The following HDC variants were observed in gnomAD, a reference collection of about 807,000 sequenced individuals.
The protein encoded by HDC is histidine decarboxylase.
Under a neutral mutation model 64.4 loss-of-function variants are expected in HDC, and 27 were observed. That is an observed-to-expected ratio of 0.42 (90% CI 0.31 to 0.58). The LOEUF (loss-of-function observed/expected upper bound fraction) is 0.58, where lower values mean the gene tolerates loss of function less well. Ranked by LOEUF, HDC falls within the 20% of genes least tolerant of loss-of-function variation. HDC has a pLI of 0.16. For missense variants in HDC, 711 were observed against 833.9 expected, an observed-to-expected ratio of 0.85 and a Z score of 1.81; for synonymous variants, 305 against 314.2, an observed-to-expected ratio of 0.97 and a Z score of 0.31.
Position 50,257,457 on chromosome 15 carries a change from G to A in HDC, c.409C>T (p.His137Tyr). 1 of 1,614,232 alleles carries A rather than the reference G, an allele frequency of 6.2e-7. No homozygotes were observed. Among genetic ancestry groups the A allele is most frequent in the East Asian group, 2.2e-5 (1 of 44,882 alleles). Reference protein sequence around the residue: ...LGLPEHFLHHHPSSQGGGVLQ... With the variant: ...LGLPEHFLHHYPSSQGGGVLQ... ...ACGCCTCCGCCCTGGCTGCTGGGGT[G>A]GTGGTGCAAGAAGTGCTCTGGAAGT... The change falls in exon 4 of 12, where the codon CAC (histidine) becomes TAC (tyrosine). Residue 137 changes from histidine to tyrosine, a missense_variant. His to Tyr is a moderately conservative substitution (Grantham distance 83). Coordinates refer to ENST00000267845, the MANE Select transcript of HDC (RefSeq NM_002112.4).
chr15:50,252,602 C>T lies in HDC; in HGVS notation c.950+10G>A. The T allele has an allele frequency of 6.2e-7, 1 of 1,614,172 alleles. No individual in the cohort carries two copies. Among genetic ancestry groups the T allele is most frequent in the South Asian group, 1.1e-5 (1 of 91,082 alleles). ...TTCCTGCGTGCTCGGAGCTGGGCTGCTACACTCACCAGAACCCAGTACAGT... is the reference window on the plus strand; with the variant it reads ...TTCCTGCGTGCTCGGAGCTGGGCTGTTACACTCACCAGAACCCAGTACAGT... On this transcript the variant is annotated intron_variant, in intron 8 of 11. Coordinates refer to ENST00000267845, the MANE Select transcript of HDC (RefSeq NM_002112.4).
chr15:50,253,545 G>A, intron 7 of HDC, 55 bp downstream of exon 7: 1 of 1,466,344 alleles, frequency 6.8e-7, no homozygotes, highest in Non-Finnish European at 9.6e-7. Flanking sequence ...CTTGCTTTAG[G>A]AGACATTTAA....
chr15:50,251,224 A>G (rs754544931), intron 9 of HDC, among the ~76,000 whole-genome samples: 6 of 152,234 alleles, frequency 3.9e-5, no homozygotes, highest in Non-Finnish European at 5.9e-5. Context: ...GGACTCCAAC[A>G]CATGCCATCT....
intron 2 of HDC, among the ~76,000 whole-genome samples, chr15:50,260,153 C>G (rs183274181): frequency 6.6e-6 from 1 of 151,996 alleles, no homozygotes; most frequent in African/African-American, 2.4e-5. Context: ...TCCCAAGTAG[C>G]TGGGATTACA....
intron 10 of HDC, among the ~76,000 whole-genome samples, chr15:50,246,157 T>C (rs2140926085): frequency 6.6e-6 from 1 of 152,324 alleles, no homozygotes; most frequent in East Asian, 1.9e-4. Flanking sequence ...GGGCAATTAC[T>C]CCCTCTGAGC....
Position 50,252,460 on chromosome 15 carries a change from A to T in HDC, c.1011T>A (p.His337Gln). 6.2e-7 allele frequency: 1 copy of T among 1,614,186 alleles called. No individual in the cohort carries two copies. Among genetic ancestry groups the T allele is most frequent in the Non-Finnish European group, 8.5e-7 (1 of 1,180,040 alleles). Residue 337 changes from histidine (H) to glutamine (Q), a missense_variant, in exon 9 of 12, where the codon CAT (histidine) becomes CAA (glutamine). Physicochemically the swap from His to Gln is conservative, Grantham distance 24. Coordinates refer to ENST00000267845, the MANE Select transcript of HDC (RefSeq NM_002112.4). ...AGTCGGTGGCCACGCCTGAGTTGGC[A>T]TGCCTGAGGTAGATGGGATTCACAC... ...TFSVNPIYLR[H>Q]ANSGVATDFM...
At position 50,242,956 on chromosome 15, in the gene HDC, G is replaced by A; in HGVS notation, c.1293C>T (p.Gly431=). 1 of 1,613,932 alleles carries A rather than the reference G, an allele frequency of 6.2e-7. No homozygotes were observed. The highest frequency in any genetic ancestry group is 8.5e-7 in the Non-Finnish European group (1 of 1,179,884). ...ENVLKEIAKA[G]RLFLIPATIQ... ...TAGTGGCCGGGATGAGGAAGAGACGGCCAGCTTTAGCTATTTCCTTTAACA... is the reference window on the plus strand; with the variant it reads ...TAGTGGCCGGGATGAGGAAGAGACGACCAGCTTTAGCTATTTCCTTTAACA... The change falls in exon 12 of 12, where the codon GGC becomes GGT. Residue 431 remains glycine, a synonymous_variant. Transcript: ENST00000267845.
In HDC at chr15:50,263,239, G is replaced by A. The variant is rs1244886074; in HGVS notation, c.200C>T (p.Pro67Leu). The change falls in exon 2 of 12, where the codon CCT (proline) becomes CTT (leucine). Residue 67 changes from proline to leucine, a missense_variant. Transcript: ENST00000267845. Reference protein sequence around the residue: ...IFGDIERIIMPGVVHWQSPHM... With the variant: ...IFGDIERIIMLGVVHWQSPHM... ...CTTGTGGTCACTGTGTCTCACCCCA[G>A]GCATGATGATTCGTTCAATGTCCCC... 1.2e-6 allele frequency: 2 copies of A among 1,613,948 alleles called. No individual in the cohort carries two copies. The highest frequency in any genetic ancestry group is 2.7e-5 in the African/African-American group (2 of 74,912).
chr15:50,263,202 T>A, intron 2 of HDC, 33 bp downstream of exon 2: 1 of 1,611,822 alleles, frequency 6.2e-7, no homozygotes, highest in Non-Finnish European at 8.5e-7. Context: ...TGCCCTGAAA[T>A]CCAGAACTGC....
At chr15:50,244,298 T>G (rs868637133) in intron 10 of HDC, among the ~76,000 whole-genome samples, 5,630 of 139,558 alleles carry the variant, frequency 0.04, 366 homozygotes, top group African/African-American at 0.15. Context: ...TTTTTTTTTT[T>G]TTTTTTTTTT....
chr15:50,244,155 C>T (rs7164386), intron 10 of HDC, among the ~76,000 whole-genome samples: 6,989 of 152,192 alleles, frequency 0.046, 479 homozygotes, highest in African/African-American at 0.15. Context: ...GACTTGCCTT[C>T]TCTTTTCTTT....
chr15:50,260,675 G>T (rs1024625540), intron 2 of HDC, among the ~76,000 whole-genome samples: 1 of 151,998 alleles, frequency 6.6e-6, no homozygotes, highest in Non-Finnish European at 1.5e-5. Flanking sequence ...GACCCTATGG[G>T]GTAGGACCTA....
chr15:50,262,752 G>T (rs1334494616), intron 2 of HDC, among the ~76,000 whole-genome samples: 4 of 152,188 alleles, frequency 2.6e-5, no homozygotes, highest in Non-Finnish European at 5.9e-5. Context: ...TCACCAGCGT[G>T]TCCTTGCCAG....
chr15:50,245,673 T>C (rs547377304), intron 10 of HDC, among the ~76,000 whole-genome samples: 9 of 152,238 alleles, frequency 5.9e-5, no homozygotes, highest in South Asian at 4.1e-4. Context: ...GGTAGGCAGA[T>C]TGCTTGAGCC....
intron 10 of HDC, among the ~76,000 whole-genome samples, chr15:50,243,662 A>C (rs560825115): frequency 2.6e-5 from 4 of 152,354 alleles, no homozygotes; most frequent in African/African-American, 9.6e-5. Flanking sequence ...CTAAAGGAAG[A>C]GATGCCTGTT....
intron 7 of HDC, chr15:50,252,979 A>G (rs995901334): frequency 3.5e-5 from 21 of 606,576 alleles, no homozygotes; most frequent in Non-Finnish European, 5.6e-5. Flanking sequence ...GGGAAAGTCT[A>G]CAAAGCCTCA....
At position 50,242,050 on chromosome 15, in the gene HDC, G is replaced by C; in HGVS notation, c.*210C>G. On this transcript the variant is annotated 3_prime_UTR_variant, in exon 12 of 12. Coordinates refer to ENST00000267845, the MANE Select transcript of HDC (RefSeq NM_002112.4). ...ACCCTCGGCCCTTTCTCACTGACCAGACTGCTGAACCCATCTGGATCATGC... is the reference window on the plus strand; with the variant it reads ...ACCCTCGGCCCTTTCTCACTGACCACACTGCTGAACCCATCTGGATCATGC... 1 of 602,470 alleles carries C rather than the reference G, an allele frequency of 1.7e-6. No homozygotes were observed. Among genetic ancestry groups the C allele is most frequent in the Non-Finnish European group, 2.9e-6 (1 of 339,750 alleles). The allele number at this position is 602,470 out of a possible 1,614,324, so 37.3% of individuals were successfully genotyped here.
rs765719055 is a variant in HDC, at chr15:50,252,748, T to C, written c.814A>G (p.Ile272Val). The change falls in exon 8 of 12, where the codon ATC becomes GTC. Residue 272 changes from isoleucine to valine, a missense_variant. Around this residue, in one of 3 missense-constraint regions of HDC, gnomAD observed 483 missense variants for 540.9 expected, o/e 0.89. Coordinates refer to ENST00000267845, the MANE Select transcript of HDC (RefSeq NM_002112.4). ...ICAREGLWLH[I>V]DAAYAGTAFL... Reference sequence around the variant, plus strand: ...GCAGTGCCTGCATAAGCAGCATCGATGTGGAGCCACAGCCCCTCACGGGCA... The same window carrying C: ...GCAGTGCCTGCATAAGCAGCATCGACGTGGAGCCACAGCCCCTCACGGGCA... 6.2e-6 allele frequency: 10 copies of C among 1,613,696 alleles called. No homozygotes were observed. Among genetic ancestry groups the C allele is most frequent in the Non-Finnish European group, 8.5e-6 (10 of 1,179,938 alleles).
intron 2 of HDC, 138 bp downstream of exon 2, chr15:50,263,097 G>T (rs1191172498): frequency 3.5e-6 from 3 of 853,750 alleles, no homozygotes; most frequent in Non-Finnish European, 4.0e-6. Flanking sequence ...CTAGCAGATG[G>T]GCTGGGGTGT....
Sources: gnomAD v4.1 joint callset for allele counts (sites outside exome capture counted in the v4.1 genomes callset) on GRCh38, gnomAD v4.1.1 for gene constraint, gnomAD v4.1.1 regional missense constraint, MANE v1.5 for transcripts, NCBI Gene and HGNC (gene_info 2026-07-23, HGNC 2026-07-21) for gene names.